FLVCR2: variants seen among roughly 807,000 people sequenced by gnomAD.
FLVCR2 encodes choline/ethanolamine transporter FLVCR2.
Under a neutral mutation model 48.9 loss-of-function variants are expected in FLVCR2, and 38 were observed. The ratio of observed to expected loss-of-function variants is 0.78; its 90% confidence interval spans 0.60 to 1.02. The LOEUF is 1.02. Ranked by LOEUF, FLVCR2 falls within the 50% of genes least tolerant of loss-of-function variation. The pLI is 0.00. For missense variants in FLVCR2, 664 were observed against 663.3 expected (o/e 1.00, Z -0.01); for synonymous variants, 255 against 257.0 (o/e 0.99, Z 0.07).
intron 1 of FLVCR2, among the ~76,000 whole-genome samples, chr14:75,584,511 C>T (rs1888693001): frequency 6.6e-6 from 1 of 152,222 alleles, no homozygotes; most frequent in Non-Finnish European, 1.5e-5. Context: ...TTCGTCTTTA[C>T]CTCGGGTAGT....
intron 4 of FLVCR2, 77 bp downstream of exon 4, chr14:75,633,773 C>T: frequency 8.9e-7 from 1 of 1,119,068 alleles, no homozygotes; most frequent in South Asian, 1.2e-5. Flanking sequence ...CCTGGGATGA[C>T]CGTTAAGTCT....
Position 75,578,680 on chromosome 14 carries a change from C to T in FLVCR2, c.-293C>T. On this transcript the variant is annotated 5_prime_UTR_variant, in exon 1 of 10. Transcript: ENST00000238667. ...AGAACTTTTCCTGCACAAGGAACGC[C>T]TCGTGGGGAGACCCAAGGCAGGAGC... The T allele has an allele frequency of 1.9e-6, 1 of 525,702 alleles. No homozygotes were observed. The highest frequency in any genetic ancestry group is 3.5e-5 in the East Asian group (1 of 28,922). 32.6% of individuals were successfully genotyped at this position (525,702 alleles called of 1,614,324 possible).
chr14:75,622,322 G>A, intron 2 of FLVCR2, 102 bp downstream of exon 2: 3 of 1,173,958 alleles, frequency 2.6e-6, no homozygotes, highest in Non-Finnish European at 3.8e-6. Context: ...AAATACCATG[G>A]ATATTTACAG....
chr14:75,585,225 A>G (rs995779264), intron 1 of FLVCR2, among the ~76,000 whole-genome samples: 1 of 152,186 alleles, frequency 6.6e-6, no homozygotes, highest in African/African-American at 2.4e-5. Context: ...GCATGGGAGC[A>G]GAGACTAGGG....
In FLVCR2 at chr14:75,603,877, A is replaced by G. The variant is rs950721764; in HGVS notation, c.670-18202A>G. On this transcript the variant is annotated intron_variant, in intron 1 of 9. Coordinates refer to ENST00000238667, the MANE Select transcript of FLVCR2 (RefSeq NM_017791.3). Reference sequence around the variant, plus strand: ...AGGCACCCCTGTCATGAAGCCCACAAAGGGGTCAAGGAAAATTTCCTGTTT... The same window carrying G: ...AGGCACCCCTGTCATGAAGCCCACAGAGGGGTCAAGGAAAATTTCCTGTTT... 2.6e-5 allele frequency among the ~76,000 whole-genome samples: 4 copies of G among 152,260 alleles called. No individual in the cohort carries two copies. In the East Asian group the frequency reaches 7.7e-4, roughly 29 times the overall value.
intron 3 of FLVCR2, among the ~76,000 whole-genome samples, 175 bp downstream of exon 3, chr14:75,624,927 C>T (rs1246502648): frequency 6.6e-6 from 1 of 151,952 alleles, no homozygotes; most frequent in African/African-American, 2.4e-5. Flanking sequence ...TTGTAAAGTC[C>T]ACCTAGAAAA....
At chr14:75,642,036 C>T in intron 9 of FLVCR2, 138 bp downstream of exon 9, 1 of 772,710 alleles carries the variant, frequency 1.3e-6, no homozygotes, top group Admixed American at 1.9e-5. Context: ...ATCCCTTACA[C>T]ATGGCATCCT....
Position 75,578,849 on chromosome 14 carries a change from A to C in FLVCR2, c.-124A>C. ...CACTTGAGGCTTTTACGCAGCCTCTAGTCTCTGTTTCTTCTGGAATAGGCA... is the reference window on the plus strand; with the variant it reads ...CACTTGAGGCTTTTACGCAGCCTCTCGTCTCTGTTTCTTCTGGAATAGGCA... On this transcript the variant is annotated 5_prime_UTR_variant, in exon 1 of 10. Transcript: ENST00000238667. 1 of 845,660 alleles carries C rather than the reference A, an allele frequency of 1.2e-6. No homozygotes were observed. The highest frequency in any genetic ancestry group is 1.9e-6 in the Non-Finnish European group (1 of 521,564). 52.4% of individuals were successfully genotyped at this position (845,660 alleles called of 1,614,324 possible). A position where few individuals can be genotyped will look rare whatever the true frequency, so the allele number is the denominator to read the frequency against.
In FLVCR2 at chr14:75,634,641, A is replaced by C. The variant is rs28453294; in HGVS notation, c.1021-269A>C. Reference sequence around the variant, plus strand: ...GCTGTGAGGTTTACATTTTTTAAAAAATTTGCCTAAAAGTAGTTCTAAGAA... The same window carrying C: ...GCTGTGAGGTTTACATTTTTTAAAACATTTGCCTAAAAGTAGTTCTAAGAA... On this transcript the variant is annotated intron_variant, in intron 4 of 9. Transcript: ENST00000238667. Among the ~76,000 whole-genome samples, 3,403 of 152,276 alleles carry C rather than the reference A, an allele frequency of 0.022. 125 individuals carry two copies. Among genetic ancestry groups the C allele is most frequent in the African/African-American group, 0.078 (3,258 of 41,538 alleles).
intron 8 of FLVCR2, among the ~76,000 whole-genome samples, chr14:75,641,592 T>G (rs1009348645): frequency 2.6e-5 from 4 of 152,178 alleles, no homozygotes; most frequent in Non-Finnish European, 5.9e-5. Context: ...TTGTGATGAT[T>G]AGAGCAATGT....
intron 9 of FLVCR2, among the ~76,000 whole-genome samples, chr14:75,644,703 T>G (rs1056207315): frequency 3.3e-5 from 5 of 152,112 alleles, no homozygotes; most frequent in South Asian, 2.1e-4. Flanking sequence ...AGAGCAGCCC[T>G]CCTCTGGAGC....
chr14:75,602,285 G>A (rs1007115468), intron 1 of FLVCR2, among the ~76,000 whole-genome samples: 5 of 152,094 alleles, frequency 3.3e-5, no homozygotes, highest in Non-Finnish European at 7.4e-5. Context: ...TTCCAAGTTC[G>A]AATCCATGAT....
At chr14:75,633,848 C>A in intron 4 of FLVCR2, 152 bp downstream of exon 4, 1 of 720,318 alleles carries the variant, frequency 1.4e-6, no homozygotes, top group Non-Finnish European at 2.5e-6. Context: ...AGGGAGATGG[C>A]CCTAGATCTC....
chr14:75,585,687 G>A (rs1478554590), intron 1 of FLVCR2, among the ~76,000 whole-genome samples: 2 of 152,088 alleles, frequency 1.3e-5, no homozygotes, highest in Non-Finnish European at 2.9e-5. Context: ...AGACACCAAT[G>A]GAGTGTGGGT....
chr14:75,584,597 A>T (rs903667430), intron 1 of FLVCR2, among the ~76,000 whole-genome samples: 4 of 152,118 alleles, frequency 2.6e-5, no homozygotes, highest in East Asian at 3.9e-4. Context: ...AAACCATGTA[A>T]TCTCACCTAT....
rs1890450698 is a variant in FLVCR2, at chr14:75,647,686, C to T, written c.*1214C>T. On this transcript the variant is annotated 3_prime_UTR_variant, in exon 10 of 10. Transcript: ENST00000238667. ...ATCTAGCCTGCTGTTTGGCTGTACT[C>T]ATGGGCTTTGGTAATATCTCCTAAA... 1 of 152,682 alleles carries T rather than the reference C, an allele frequency of 6.5e-6. No individual in the cohort carries two copies. The highest frequency in any genetic ancestry group is 2.4e-5 in the African/African-American group (1 of 41,452). 9.5% of individuals were successfully genotyped at this position (152,682 alleles called of 1,614,324 possible). A position where few individuals can be genotyped will look rare whatever the true frequency, so the allele number is the denominator to read the frequency against.
chr14:75,584,245 G>C (rs532549071), intron 1 of FLVCR2, among the ~76,000 whole-genome samples: 1 of 152,190 alleles, frequency 6.6e-6, no homozygotes, highest in Admixed American at 6.5e-5. Flanking sequence ...TTACAGCAGA[G>C]GCAAGTAGCT....
At chr14:75,596,893 G>T (rs1360458156) in intron 1 of FLVCR2, among the ~76,000 whole-genome samples, 1 of 147,210 alleles carries the variant, frequency 6.8e-6, no homozygotes, top group Admixed American at 7.2e-5. Context: ...TCCTTCTGTA[G>T]CTGGCTTATG....
chr14:75,645,033 G>GGGGTGTGTGTGT (rs1433999747), intron 9 of FLVCR2, among the ~76,000 whole-genome samples: 10 of 13,064 alleles, frequency 7.7e-4, no homozygotes, highest in Admixed American at 1.3e-3. Flanking sequence ...AGGCGGGCGT[G>GGGGTGTGTGTGT]GTGTGTGTGT....
Sources: allele counts gnomAD v4.1 joint callset (sites outside exome capture counted in the v4.1 genomes callset), GRCh38; gene constraint gnomAD v4.1.1; transcripts MANE v1.5; gene names NCBI Gene and HGNC (gene_info 2026-07-23, HGNC 2026-07-21).